The following TENM3 variants were observed in gnomAD, a reference collection of about 807,000 sequenced individuals.
TENM3 encodes the protein teneurin transmembrane protein 3, also known as teneurin-3.
In TENM3, 63 loss-of-function variants were observed where a neutral mutation model predicts 255.1. The observed-to-expected ratio is 0.25, with a 90% CI of 0.20 to 0.30. The LOEUF is 0.30. TENM3 is among the 10% of genes least tolerant of loss of function. The pLI, the probability that TENM3 is intolerant of heterozygous loss-of-function variation, is 1.00. For synonymous variants in TENM3, 1,306 were observed against 1,322.3 expected (o/e 0.99, Z 0.27); for missense variants, 2,929 against 3,461.1 (o/e 0.85, Z 3.86).
At chr4:182,449,034 A>T (rs1430197496) in intron 3 of TENM3, 6 of 384,792 alleles carry the variant, frequency 1.6e-5, no homozygotes, top group Non-Finnish European at 3.1e-5. Flanking sequence ...GCAACTTGGC[A>T]GCGCTGGGCT....
intron 3 of TENM3, among the ~76,000 whole-genome samples, chr4:182,481,594 C>G (rs114309217): frequency 1.3e-5 from 2 of 150,882 alleles, no homozygotes; most frequent in African/African-American, 2.4e-5. Flanking sequence ...CAGGCGTTCA[C>G]GACCGGCCTG....
At position 182,638,606 on chromosome 4, in the gene TENM3, C is replaced by T. The variant is rs1012875027; in HGVS notation, c.988+9717C>T. Among the ~76,000 whole-genome samples the T allele has an allele frequency of 2.0e-5, 3 of 152,154 alleles. No individual in the cohort carries two copies. The East Asian group carries it at 5.8e-4, about 29-fold the overall frequency. ...TAAGATATTTTCTGAGAAAAGATTT[C>T]ATGTTATTAATGATAAGAACTTCCA... On this transcript the variant is annotated intron_variant, in intron 5 of 27. Coordinates refer to ENST00000511685, the MANE Select transcript of TENM3 (RefSeq NM_001080477.4).
chr4:181,604,271 A>AG, the TENM3 span, among the ~76,000 whole-genome samples: 3 of 152,140 alleles, frequency 2.0e-5, no homozygotes, highest in Non-Finnish European at 2.9e-5. Flanking sequence ...TCTAAAAAAA[A>AG]GAAAAGAAAA....
intron 3 of TENM3, among the ~76,000 whole-genome samples, chr4:182,493,670 C>T (rs1735503013): frequency 6.6e-6 from 1 of 152,066 alleles, no homozygotes; most frequent in Non-Finnish European, 1.5e-5. Flanking sequence ...ATTTATTTTT[C>T]TTATGAAGTC....
In TENM3 at chr4:182,346,631, C is replaced by CT. The variant is rs571729819; in HGVS notation, c.233-13dup. 701 of 1,603,410 alleles carry CT rather than the reference C, an allele frequency of 4.4e-4. 2 individuals carry two copies. In the African/African-American group the frequency reaches 8.6e-3, roughly 20 times the overall value. ...TGAACATATACTCACTAGTTGTTAT[C>CT]TTTTTTTCCCCCTAATTAGGACAGA... On this transcript the variant is annotated intron_variant, in intron 2 of 27. Coordinates refer to ENST00000511685, the MANE Select transcript of TENM3 (RefSeq NM_001080477.4).
At chr4:182,092,697 A>C in the TENM3 span, among the ~76,000 whole-genome samples, 1 of 152,344 alleles carries the variant, frequency 6.6e-6, no homozygotes, top group African/African-American at 2.4e-5. Context: ...ATAAGCTGGC[A>C]TCTTCCATTA....
intron 1 of TENM3, among the ~76,000 whole-genome samples, chr4:182,210,361 G>A (rs994070426): frequency 6.6e-6 from 1 of 152,034 alleles, no homozygotes; most frequent in Non-Finnish European, 1.5e-5. Flanking sequence ...ATTTTACTCA[G>A]TGGCCTTCCT....
intron 1 of TENM3, among the ~76,000 whole-genome samples, chr4:182,319,872 G>A (rs974062819): frequency 6.6e-6 from 1 of 152,174 alleles, no homozygotes; most frequent in Non-Finnish European, 1.5e-5. Context: ...CAACCCTTTG[G>A]GAGGCCAAGG....
chr4:181,698,647 A>G, the TENM3 span, among the ~76,000 whole-genome samples: 1 of 152,212 alleles, frequency 6.6e-6, no homozygotes. Flanking sequence ...CAGCAGACCA[A>G]GATTCTAACC....
the TENM3 span, among the ~76,000 whole-genome samples, chr4:181,524,910 A>G: frequency 7.2e-5 from 11 of 152,150 alleles, no homozygotes; most frequent in East Asian, 1.9e-3. Flanking sequence ...AGAAGTTTTC[A>G]TTGTGGTTTG....
At chr4:182,266,806 T>C (rs1391071263) in intron 1 of TENM3, among the ~76,000 whole-genome samples, 3 of 152,176 alleles carry the variant, frequency 2.0e-5, no homozygotes, top group Non-Finnish European at 4.4e-5. Context: ...TTAGTGTATG[T>C]TATTAATAAT....
At chr4:181,940,648 G>T in the TENM3 span, among the ~76,000 whole-genome samples, 1 of 152,188 alleles carries the variant, frequency 6.6e-6, no homozygotes, top group African/African-American at 2.4e-5. Context: ...TCATTGAAAA[G>T]GTAAATTTGT....
chr4:182,500,801 G>C (rs1365644958), intron 3 of TENM3, among the ~76,000 whole-genome samples: 12 of 151,994 alleles, frequency 7.9e-5, no homozygotes, highest in Non-Finnish European at 1.8e-4. Context: ...AAAGTACACG[G>C]TTTCACATGA....
the TENM3 span, among the ~76,000 whole-genome samples, chr4:182,093,624 T>C: frequency 6.6e-6 from 1 of 152,100 alleles, no homozygotes; most frequent in Non-Finnish European, 1.5e-5. Flanking sequence ...CAGGAAAGCA[T>C]GATTCATTTG....
At chr4:181,636,683 C>G in the TENM3 span, among the ~76,000 whole-genome samples, 2 of 152,198 alleles carry the variant, frequency 1.3e-5, no homozygotes, top group Non-Finnish European at 2.9e-5. Flanking sequence ...AGTGCAAGCG[C>G]CCATCGTGTC....
chr4:182,792,916 G>A lies in TENM3; in HGVS notation c.6244G>A (p.Asp2082Asn). 1 of 1,613,864 alleles carries A rather than the reference G, an allele frequency of 6.2e-7. No homozygotes were observed. ...TGTAATGACCTATACGAAGCACTTTGATGCTCATGGCCGTATCAAGGAGAT... is the reference window on the plus strand; with the variant it reads ...TGTAATGACCTATACGAAGCACTTTAATGCTCATGGCCGTATCAAGGAGAT... Reference protein sequence around the residue: ...TAVMTYTKHFDAHGRIKEIQY... With the variant: ...TAVMTYTKHFNAHGRIKEIQY... Residue 2082 changes from aspartate to asparagine, a missense_variant, in exon 26 of 28, where the codon GAT becomes AAT. Physicochemically the swap from Asp to Asn is conservative, Grantham distance 23. Coordinates refer to ENST00000511685, the MANE Select transcript of TENM3 (RefSeq NM_001080477.4). This position sits in a 1 kb window ranked among gnomAD's most constrained non-coding sequence, Gnocchi z 6.3.
rs74798341 is a variant in TENM3, at chr4:182,154,490, G to A, written c.-76+9736G>A. Among the ~76,000 whole-genome samples the A allele has an allele frequency of 4.7e-4, 72 of 152,206 alleles. No individual in the cohort carries two copies. The East Asian group carries it at 6.7e-3, about 14-fold the overall frequency. ...AATCTAATATTTATATGGAATTTTA[G>A]TCTAAATATATGTTAGGTATTAATA... On this transcript the variant is annotated intron_variant, in intron 1 of 2. Transcript: ENST00000512480.
intron 12 of TENM3, 124 bp downstream of exon 12, chr4:182,688,475 G>A (rs1204142144): frequency 1.6e-5 from 12 of 751,182 alleles, no homozygotes; most frequent in Non-Finnish European, 1.9e-5. Flanking sequence ...TTCTTAACAC[G>A]AAATTATTTT....
At chr4:181,558,466 T>C in the TENM3 span, among the ~76,000 whole-genome samples, 1 of 152,222 alleles carries the variant, frequency 6.6e-6, no homozygotes, top group South Asian at 2.1e-4. Context: ...TAAAGTAGTA[T>C]ATGAACTATT....
Sources: allele counts gnomAD v4.1 joint callset (sites outside exome capture counted in the v4.1 genomes callset), GRCh38; gene constraint gnomAD v4.1.1; non-coding constraint Gnocchi (gnomAD v3.1); transcripts MANE v1.5; gene names NCBI Gene and HGNC (gene_info 2026-07-23, HGNC 2026-07-21).